FABP6: variants seen among roughly 807,000 people sequenced by gnomAD.
FABP6 encodes the protein gastrotropin.
A neutral mutation model predicts 14.9 loss-of-function variants in FABP6; 13 were observed. That is an observed-to-expected ratio of 0.87 (90% CI 0.57 to 1.39). FABP6 has a LOEUF of 1.39. FABP6 is among the 40% of genes most tolerant of loss of function. FABP6 has a pLI of 0.00. For missense variants in FABP6, 161 were observed against 167.2 expected (o/e 0.96, Z 0.20); for synonymous variants, 75 against 63.6 (o/e 1.18, Z -0.85).
At chr5:160,202,676 C>T (rs1006989502) in intron 2 of FABP6, among the ~76,000 whole-genome samples, 1 of 151,656 alleles carries the variant, frequency 6.6e-6, no homozygotes, top group African/African-American at 2.4e-5. Context: ...TGGTGTCAGG[C>T]GCCTGTAGTC....
rs531767537 is a variant in FABP6, at chr5:160,191,031, G to C, written c.-59+3577G>C. On this transcript the variant is annotated intron_variant, in intron 1 of 6. Coordinates refer to the FABP6 transcript ENST00000393980. ...TTGAACCCAGGAGGCAGAGGTTGCA[G>C]TGAGCTGAGATCATGCCACCGCACT... Among the ~76,000 whole-genome samples, 3 of 149,722 alleles carry C rather than the reference G, an allele frequency of 2.0e-5. No individual in the cohort carries two copies. In the East Asian group the frequency reaches 5.9e-4, roughly 30 times the overall value.
intron 1 of FABP6, among the ~76,000 whole-genome samples, chr5:160,194,727 T>A: frequency 6.6e-6 from 1 of 152,046 alleles, no homozygotes; most frequent in Non-Finnish European, 1.5e-5. Flanking sequence ...TCCAGGCCTT[T>A]CCTGACCCCT....
chr5:160,224,117 T>G (rs1294730069), intron 3 of FABP6, among the ~76,000 whole-genome samples: 14 of 151,872 alleles, frequency 9.2e-5, no homozygotes. Flanking sequence ...GCGCCTGTAG[T>G]CCCAGCTACT....
upstream of FABP6, among the ~76,000 whole-genome samples, chr5:160,228,134 G>A (rs1580920885): frequency 6.6e-6 from 1 of 152,110 alleles, no homozygotes; most frequent in Admixed American, 6.6e-5. Flanking sequence ...GCTCACGTCT[G>A]TAATCCCAGC....
At chr5:160,195,532 C>T (rs189203712) in intron 1 of FABP6, among the ~76,000 whole-genome samples, 2 of 152,266 alleles carry the variant, frequency 1.3e-5, no homozygotes, top group East Asian at 3.9e-4. Flanking sequence ...CAGCTCACTG[C>T]AGCCACAGCT....
At position 160,236,614 on chromosome 5, in the gene FABP6, C is replaced by A. The variant is rs189812814; in HGVS notation, c.333+1705C>A. ...CTCATCTGCTGACTTCTAGACTAGG[C>A]CCCCTGCCTCTTCTGCCCAGGCCCA... On this transcript the variant is annotated intron_variant, in intron 3 of 3. Transcript: ENST00000402432. Among the ~76,000 whole-genome samples the A allele has an allele frequency of 1.1e-3, 160 of 152,236 alleles. 1 individual carries two copies. Among genetic ancestry groups the A allele is most frequent in the Admixed American group, 1.5e-3 (23 of 15,274 alleles).
chr5:160,238,182 G>A (rs1011985630), intron 3 of FABP6, among the ~76,000 whole-genome samples: 5 of 152,102 alleles, frequency 3.3e-5, no homozygotes, highest in Admixed American at 6.5e-5. Flanking sequence ...TCCCATCACC[G>A]AGCATGTGAC....
intron 1 of FABP6, chr5:160,198,773 A>G: frequency 3.0e-6 from 1 of 338,216 alleles, no homozygotes; most frequent in Non-Finnish European, 5.5e-6. Flanking sequence ...GTGTCCACAA[A>G]GATTCCTTTC....
chr5:160,213,265 A>C (rs1404392291), intron 2 of FABP6, among the ~76,000 whole-genome samples: 1 of 152,194 alleles, frequency 6.6e-6, no homozygotes, highest in African/African-American at 2.4e-5. Context: ...CGTTTGTCCC[A>C]TCGCCCGATG....
rs1049842695 is a variant in FABP6, at chr5:160,229,551, C to T, written c.-7C>T. 24 of 1,613,878 alleles carry T rather than the reference C, an allele frequency of 1.5e-5. No individual in the cohort carries two copies. Among genetic ancestry groups the T allele is most frequent in the Non-Finnish European group, 2.0e-5 (24 of 1,179,928 alleles). On this transcript the variant is annotated 5_prime_UTR_variant, in exon 1 of 4. Coordinates refer to ENST00000402432, the MANE Select transcript of FABP6 (RefSeq NM_001445.3). Reference sequence around the variant, plus strand: ...CTCTGCTCTCTGGCCTCCAGCCTCCCAGCAGCATGGCTTTCACCGGCAAGT... The same window carrying T: ...CTCTGCTCTCTGGCCTCCAGCCTCCTAGCAGCATGGCTTTCACCGGCAAGT...
At chr5:160,232,062 C>A (rs746407438) in intron 1 of FABP6, 36 bp from the exon 2 acceptor site, 2 of 1,608,816 alleles carry the variant, frequency 1.2e-6, no homozygotes, top group South Asian at 2.2e-5. Context: ...TTAAAAGCAG[C>A]TCTTATATGG....
At chr5:160,219,476 G>A (rs1349108070) in intron 3 of FABP6, among the ~76,000 whole-genome samples, 1 of 152,178 alleles carries the variant, frequency 6.6e-6, no homozygotes, top group East Asian at 1.9e-4. Flanking sequence ...GGTTCTCAAT[G>A]AGGGTCTGAA....
chr5:160,211,770 C>A (rs2421730), intron 2 of FABP6, among the ~76,000 whole-genome samples: 137,584 of 152,116 alleles, frequency 0.9, 62,326 homozygotes, highest in African/African-American at 0.92. Context: ...ACCAAGAGTC[C>A]GTGTCTGCTA....
At chr5:160,190,918 C>G (rs142000680) in intron 1 of FABP6, among the ~76,000 whole-genome samples, 1,538 of 150,676 alleles carry the variant, frequency 0.01, 29 homozygotes, top group African/African-American at 0.036. Flanking sequence ...CAAGACCATC[C>G]TGGCTAACAC....
intron 3 of FABP6, among the ~76,000 whole-genome samples, chr5:160,223,620 G>T (rs1426333272): frequency 1.3e-5 from 2 of 150,568 alleles, no homozygotes; most frequent in South Asian, 2.1e-4. Flanking sequence ...ATGATTTTTT[G>T]TCTCACTATA....
chr5:160,238,583 T>C (rs931174423), intron 3 of FABP6, 23 bp from the exon 4 acceptor site: 16 of 1,612,890 alleles, frequency 9.9e-6, no homozygotes, highest in Non-Finnish European at 1.3e-5. Context: ...ACTGACTCCC[T>C]CTGTCCCGGC....
intron 1 of FABP6, among the ~76,000 whole-genome samples, chr5:160,193,063 G>A (rs1198931150): frequency 2.0e-5 from 3 of 152,220 alleles, no homozygotes; most frequent in Non-Finnish European, 4.4e-5. Context: ...GAATTGGTGG[G>A]TTCTTGGTCT....
chr5:160,205,965 TTTTC>T (rs1759756877), intron 2 of FABP6, among the ~76,000 whole-genome samples: 1 of 151,828 alleles, frequency 6.6e-6, no homozygotes, highest in African/African-American at 2.4e-5. Flanking sequence ...TTCTTTTTTC[TTTTC>T]TTTTCTTTCT....
At chr5:160,227,092 A>G (rs565795859), upstream of FABP6, among the ~76,000 whole-genome samples, 8 of 152,364 alleles carry the variant, frequency 5.3e-5, no homozygotes, top group Admixed American at 2.0e-4. Context: ...GTTATGAGAC[A>G]TACATATGAT....
Sources: gnomAD v4.1 joint callset for allele counts (sites outside exome capture counted in the v4.1 genomes callset) on GRCh38, gnomAD v4.1.1 for gene constraint, MANE v1.5 for transcripts, NCBI Gene and HGNC (gene_info 2026-07-23, HGNC 2026-07-21) for gene names.